The following STEAP1B variants were observed in gnomAD, a reference collection of about 807,000 sequenced individuals.
STEAP1B encodes STEAP family protein MGC87042.
In STEAP1B, 13 loss-of-function variants were observed where a neutral mutation model predicts 27.9. That is an observed-to-expected ratio of 0.47 (90% CI 0.30 to 0.74). The LOEUF is 0.74. Among genes scored for constraint, STEAP1B ranks in the 30% least tolerant of loss-of-function variants. The pLI is 0.06. For synonymous variants in STEAP1B, 86 were observed against 107.1 expected, an observed-to-expected ratio of 0.80 and a Z score of 1.22; for missense variants, 250 against 298.7, an observed-to-expected ratio of 0.84 and a Z score of 1.20.
intron 1 of STEAP1B, among the ~76,000 whole-genome samples, chr7:22,496,678 G>A (rs1186954672): frequency 6.6e-6 from 1 of 152,182 alleles, no homozygotes; most frequent in Non-Finnish European, 1.5e-5. Flanking sequence ...AGCAGCCTAG[G>A]AGCAAGAGAC....
At chr7:22,487,916 A>G (rs910930878) in intron 4 of STEAP1B, among the ~76,000 whole-genome samples, 1 of 152,120 alleles carries the variant, frequency 6.6e-6, no homozygotes, top group African/African-American at 2.4e-5. Context: ...TGAGCAAATT[A>G]TATTAGCATC....
chr7:22,470,782 T>C (rs1785868069), intron 4 of STEAP1B, among the ~76,000 whole-genome samples: 1 of 152,122 alleles, frequency 6.6e-6, no homozygotes, highest in African/African-American at 2.4e-5. Context: ...TCTGTGGGTA[T>C]TGAAGATGTT....
chr7:22,456,972 A>ATATATATATATT lies in STEAP1B; in HGVS notation c.762+35592_762+35593insAATATATATATA. Among the ~76,000 whole-genome samples the ATATATATATATT allele has an allele frequency of 4.5e-3, 256 of 57,032 alleles. 14 individuals carry two copies. The highest frequency in any genetic ancestry group is 0.017 in the African/African-American group (242 of 14,230). The allele number at this position is 57,032 out of a possible 152,430, so 37.4% of individuals were successfully genotyped here. A position where few individuals can be genotyped will look rare whatever the true frequency, so the allele number is the denominator to read the frequency against. On this transcript the variant is annotated intron_variant, in intron 4 of 4. Coordinates refer to ENST00000678116, the MANE Select transcript of STEAP1B (RefSeq NM_001382447.1). The stretch of plus-strand genomic sequence containing the variant: ...GGCAGCTATATATATATATATATAT[A>ATATATATATATT]TTTTTTTTTTTTTTAAGTATCCTGG...
At chr7:22,422,494 A>ATTTT (rs35793677) in intron 4 of STEAP1B, among the ~76,000 whole-genome samples, 1 of 145,666 alleles carries the variant, frequency 6.9e-6, no homozygotes, top group Non-Finnish European at 1.5e-5. Flanking sequence ...TATTTGTGTA[A>ATTTT]TTTTTTTTTT....
intron 4 of STEAP1B, among the ~76,000 whole-genome samples, chr7:22,467,733 C>T (rs546029431): frequency 1.3e-5 from 2 of 152,270 alleles, no homozygotes; most frequent in South Asian, 2.1e-4. Context: ...TGAGGCCTCC[C>T]CAGCCACGTG....
At chr7:22,492,319 CA>C (rs56679156) in intron 4 of STEAP1B, 1,227 of 54,680 alleles carry the variant, frequency 0.022, 11 homozygotes, top group Middle Eastern at 0.056. Flanking sequence ...ACTTCATCTC[CA>C]AAAAAAAAAA....
chr7:22,488,858 C>G (rs1786267295), intron 4 of STEAP1B, among the ~76,000 whole-genome samples: 2 of 152,194 alleles, frequency 1.3e-5, no homozygotes, highest in South Asian at 4.1e-4. Flanking sequence ...AAGGTGGAGG[C>G]TGAGAAGGCT....
chr7:22,421,844 A>G (rs1785046665), intron 4 of STEAP1B, among the ~76,000 whole-genome samples: 1 of 152,210 alleles, frequency 6.6e-6, no homozygotes, highest in African/African-American at 2.4e-5. Flanking sequence ...CTCAGTAAGG[A>G]GCTTAAAACC....
chr7:22,454,861 ATATATT>A (rs1562572894), intron 4 of STEAP1B, among the ~76,000 whole-genome samples: 9 of 57,852 alleles, frequency 1.6e-4, no homozygotes, highest in African/African-American at 6.8e-4. Flanking sequence ...ATATATATAT[ATATATT>A]TTTTTTTTTT....
chr7:22,428,655 T>C (rs1785139959), intron 4 of STEAP1B, among the ~76,000 whole-genome samples: 1 of 151,988 alleles, frequency 6.6e-6, no homozygotes, highest in Non-Finnish European at 1.5e-5. Context: ...AATCTACCAA[T>C]ATTTAAAAAA....
chr7:22,435,510 T>C (rs1023530390), intron 4 of STEAP1B, among the ~76,000 whole-genome samples: 10 of 152,182 alleles, frequency 6.6e-5, no homozygotes, highest in African/African-American at 2.4e-4. Flanking sequence ...CCTCCATCAG[T>C]AAATTTTTTC....
intron 4 of STEAP1B, among the ~76,000 whole-genome samples, chr7:22,454,865 A>ATTT (rs367804282): frequency 2.4e-5 from 3 of 126,150 alleles, no homozygotes; most frequent in African/African-American, 9.6e-5. Flanking sequence ...ATATATATAT[A>ATTT]TTTTTTTTTT....
intron 4 of STEAP1B, among the ~76,000 whole-genome samples, chr7:22,480,382 C>T (rs956379629): frequency 1.2e-4 from 18 of 152,156 alleles, no homozygotes; most frequent in African/African-American, 4.3e-4. Flanking sequence ...AGTCTGTGAG[C>T]GGCAGCGCCT....
chr7:22,435,683 A>G (rs1345243718), intron 4 of STEAP1B, among the ~76,000 whole-genome samples: 4 of 152,176 alleles, frequency 2.6e-5, no homozygotes, highest in African/African-American at 9.7e-5. Flanking sequence ...TAAAGCACTC[A>G]ATTGTATTTA....
chr7:22,437,226 C>G (rs1455892710), intron 4 of STEAP1B, among the ~76,000 whole-genome samples: 1 of 152,234 alleles, frequency 6.6e-6, no homozygotes, highest in African/African-American at 2.4e-5. Context: ...TCTCGCATAA[C>G]TGAAACTTTA....
intron 4 of STEAP1B, among the ~76,000 whole-genome samples, chr7:22,459,891 A>G (rs574354824): frequency 6.3e-4 from 96 of 152,246 alleles, no homozygotes; most frequent in African/African-American, 2.3e-3. Context: ...GTTCATATCT[A>G]GTGACATTTA....
chr7:22,424,895 G>GAA (rs34020475), intron 4 of STEAP1B, among the ~76,000 whole-genome samples: 3,679 of 146,712 alleles, frequency 0.025, 60 homozygotes, highest in South Asian at 0.068. Flanking sequence ...ATTGTTAAGT[G>GAA]AAAAAAAAAA....
chr7:22,477,265 A>C (rs1310670018), intron 4 of STEAP1B, among the ~76,000 whole-genome samples: 2 of 152,094 alleles, frequency 1.3e-5, no homozygotes, highest in Non-Finnish European at 2.9e-5. Flanking sequence ...TGACTGTAAG[A>C]TTTCCTCTTT....
intron 4 of STEAP1B, among the ~76,000 whole-genome samples, chr7:22,454,451 C>G (rs1393371328): frequency 6.6e-6 from 1 of 152,124 alleles, no homozygotes; most frequent in Admixed American, 6.6e-5. Flanking sequence ...CCAGAGACAG[C>G]TCTTCAGAGG....
Sources: gnomAD v4.1 joint callset for allele counts (sites outside exome capture counted in the v4.1 genomes callset) on GRCh38, gnomAD v4.1.1 for gene constraint, MANE v1.5 for transcripts, NCBI Gene and HGNC (gene_info 2026-07-23, HGNC 2026-07-21) for gene names.